USP18: variants seen among roughly 807,000 people sequenced by gnomAD.
The protein encoded by USP18 is ubiquitin specific peptidase 18.
Under a neutral mutation model 48.7 loss-of-function variants are expected in USP18, and 11 were observed. The ratio of observed to expected loss-of-function variants is 0.23; its 90% confidence interval spans 0.14 to 0.37. The LOEUF (loss-of-function observed/expected upper bound fraction) is 0.37, where lower values mean the gene tolerates loss of function less well. USP18 is among the 10% of genes least tolerant of loss of function. The probability of loss-of-function intolerance (pLI) is 1.00; values close to 1 mark genes in which losing one functional copy is unlikely to be tolerated. For synonymous variants in USP18, 114 were observed against 163.2 expected (o/e 0.70, Z 2.30); for missense variants, 285 against 436.4 (o/e 0.65, Z 3.09).
intron 2 of USP18, among the ~76,000 whole-genome samples, chr22:18,159,923 C>T (rs1337461259): frequency 7.9e-5 from 12 of 152,010 alleles, no homozygotes; most frequent in South Asian, 2.1e-4. Flanking sequence ...GTGATCTGCC[C>T]GCCTCGGCCT....
chr22:18,153,622 TTTTTA>T (rs936911727), intron 1 of USP18, among the ~76,000 whole-genome samples: 10 of 152,088 alleles, frequency 6.6e-5, no homozygotes, highest in Non-Finnish European at 1.0e-4. Context: ...AATAAAATAT[TTTTTA>T]TTTTATTTAG....
chr22:18,160,082 G>T (rs1334300655), intron 2 of USP18, 90 bp from the exon 3 acceptor site: 6 of 1,276,146 alleles, frequency 4.7e-6, no homozygotes, highest in Admixed American at 1.7e-5. Context: ...CCAAAGTACT[G>T]GAATTACAGG....
chr22:18,173,944 G>T (rs1006103862), intron 10 of USP18, 102 bp downstream of exon 10: 241 of 1,505,104 alleles, frequency 1.6e-4, no homozygotes, highest in Non-Finnish European at 2.0e-4. Context: ...CATGCTGATG[G>T]CTCACTGTCC....
At chr22:18,152,670 A>G (rs570457656) in intron 1 of USP18, among the ~76,000 whole-genome samples, 1 of 151,928 alleles carries the variant, frequency 6.6e-6, no homozygotes, top group South Asian at 2.1e-4. Context: ...GCCCCTGCTA[A>G]CTTCAGCTGC....
chr22:18,164,719 C>T (rs1352797019), intron 4 of USP18, among the ~76,000 whole-genome samples: 7 of 152,310 alleles, frequency 4.6e-5, no homozygotes, highest in South Asian at 2.1e-4. Flanking sequence ...GAAGTGCTCA[C>T]GTGCCCGTTT....
intron 4 of USP18, 46 bp downstream of exon 4, chr22:18,161,981 A>G (rs754333664): frequency 6.4e-7 from 1 of 1,571,754 alleles, no homozygotes; most frequent in Non-Finnish European, 8.6e-7. Flanking sequence ...TCCAAAGGGG[A>G]TGGGAAGCTT....
chr22:18,152,928 A>AACCT (rs1437932291), intron 1 of USP18, among the ~76,000 whole-genome samples: 3 of 152,122 alleles, frequency 2.0e-5, no homozygotes, highest in Non-Finnish European at 2.9e-5. Context: ...TGCAGCCTGG[A>AACCT]ACCTCTCTGC....
rs1370667683 is a variant in USP18 at position 18,172,002 on chromosome 22, G to A, written c.891+1082G>A. The stretch of plus-strand genomic sequence containing the variant: ...AAAGACTTTTTTGACTGGATGCAGT[G>A]GGTCACGCCTGTAATCTCAGCTCTT... On this transcript the variant is annotated intron_variant, in intron 8 of 10. Transcript: ENST00000215794. 2.0e-5 allele frequency among the ~76,000 whole-genome samples: 3 copies of A among 152,108 alleles called. No homozygotes were observed. In the East Asian group the frequency reaches 5.8e-4, roughly 29 times the overall value.
chr22:18,174,311 T>G (rs541567500), intron 10 of USP18, among the ~76,000 whole-genome samples: 1 of 151,556 alleles, frequency 6.6e-6, no homozygotes, highest in South Asian at 2.1e-4. Context: ...TACACTTGGC[T>G]CCTCCTCCCA....
At chr22:18,170,038 A>G in intron 7 of USP18, 99 bp downstream of exon 7, 1 of 1,344,170 alleles carries the variant, frequency 7.4e-7, no homozygotes. Flanking sequence ...CACTCAAGTC[A>G]CACCCAGTCG....
chr22:18,170,321 G>A (rs35052728), intron 7 of USP18, among the ~76,000 whole-genome samples: 1 of 152,222 alleles, frequency 6.6e-6, no homozygotes, highest in East Asian at 1.9e-4. Context: ...ACACCCCATG[G>A]TGGGTGAGAA....
chr22:18,172,054 C>T (rs930597827), intron 8 of USP18, among the ~76,000 whole-genome samples: 5 of 152,144 alleles, frequency 3.3e-5, no homozygotes, highest in Non-Finnish European at 7.3e-5. Context: ...TTGCTGGAGT[C>T]CAGGAGTCGA....
intron 1 of USP18, among the ~76,000 whole-genome samples, chr22:18,156,418 C>T (rs1929141402): frequency 6.6e-6 from 1 of 152,210 alleles, no homozygotes; most frequent in African/African-American, 2.4e-5. Context: ...TGCAGTAAGT[C>T]TTGCTACTGC....
At chr22:18,164,595 A>C (rs1011295904) in intron 4 of USP18, among the ~76,000 whole-genome samples, 1 of 151,692 alleles carries the variant, frequency 6.6e-6, no homozygotes, top group African/African-American at 2.4e-5. Context: ...CCAGTTATTA[A>C]TAGAAGCCCA....
chr22:18,153,930 G>T (rs1929063822), intron 1 of USP18, among the ~76,000 whole-genome samples: 1 of 151,856 alleles, frequency 6.6e-6, no homozygotes, highest in South Asian at 2.1e-4. Context: ...CCCATTTTGT[G>T]TATATAGTCC....
chr22:18,153,487 C>T (rs1279696708), intron 1 of USP18, among the ~76,000 whole-genome samples: 2 of 151,700 alleles, frequency 1.3e-5, no homozygotes, highest in Non-Finnish European at 2.9e-5. Flanking sequence ...TGCCGTGGCA[C>T]GATCATAACT....
chr22:18,154,622 T>TATTTTTTTG (rs71766961), intron 1 of USP18, among the ~76,000 whole-genome samples: 38,335 of 151,730 alleles, frequency 0.25, 6,077 homozygotes, highest in East Asian at 0.67. Flanking sequence ...AAATTTTTTT[T>TATTTTTTTG]TAGAGATGGG....
chr22:18,150,761 T>C (rs1284795662), intron 1 of USP18, among the ~76,000 whole-genome samples: 5 of 150,972 alleles, frequency 3.3e-5, no homozygotes. Flanking sequence ...AGGTCAGGAG[T>C]TACAGACATG....
chr22:18,167,099 T>C (rs1468131067), intron 4 of USP18, among the ~76,000 whole-genome samples, 156 bp from the exon 5 acceptor site: 4 of 152,214 alleles, frequency 2.6e-5, no homozygotes, highest in African/African-American at 9.7e-5. Flanking sequence ...TGTTCATTTA[T>C]TGATCACTTC....
Sources: gnomAD v4.1 joint callset for allele counts (sites outside exome capture counted in the v4.1 genomes callset) on GRCh38, gnomAD v4.1.1 for gene constraint, MANE v1.5 for transcripts, NCBI Gene and HGNC (gene_info 2026-07-23, HGNC 2026-07-21) for gene names.